ANO6: variants seen among roughly 807,000 people sequenced by gnomAD.
ANO6 encodes the protein anoctamin-6.
A neutral mutation model predicts 117.5 loss-of-function variants in ANO6; 106 were observed. The observed-to-expected ratio is 0.90, with a 90% confidence interval of 0.77 to 1.06. The LOEUF is 1.06. Ranked by LOEUF, ANO6 falls within the 50% of genes least tolerant of loss-of-function variation. The probability of loss-of-function intolerance (pLI) is 0.00; values close to 1 mark genes in which losing one functional copy is unlikely to be tolerated. For synonymous variants in ANO6, 367 were observed against 385.1 expected (o/e 0.95, Z 0.55); for missense variants, 955 against 1,121.1 (o/e 0.85, Z 2.12).
At chr12:45,420,894 A>G (rs112728437) in intron 17 of ANO6, among the ~76,000 whole-genome samples, 177 bp from the exon 18 acceptor site, 2,014 of 152,184 alleles carry the variant, frequency 0.013, 38 homozygotes, top group African/African-American at 0.046. Context: ...GCGTGGTGGC[A>G]CGTGCCTGTA....
rs1482550552 is a variant in ANO6, at chr12:45,350,656, C to T, written c.748-3C>T. 1 of 1,611,728 alleles carries T rather than the reference C, an allele frequency of 6.2e-7. No individual in the cohort carries two copies. The highest frequency in any genetic ancestry group is 1.3e-5 in the African/African-American group (1 of 74,980). ...TGCTTACATGTTCCCTTCTGCGTCA[C>T]AGTGCAAATTCCGCCGTCAGTCAGA... On this transcript the variant is annotated splice_region_variant and splice_polypyrimidine_tract_variant and intron_variant, in intron 6 of 19. Transcript: ENST00000320560.
downstream of ANO6, among the ~76,000 whole-genome samples, chr12:45,436,486 C>T (rs1034252265): frequency 6.6e-6 from 1 of 152,158 alleles, no homozygotes; most frequent in African/African-American, 2.4e-5. Context: ...ATTATGAAGT[C>T]CCTAATGTCT....
At chr12:45,286,790 A>G (rs1171276034) in intron 1 of ANO6, among the ~76,000 whole-genome samples, 1 of 152,134 alleles carries the variant, frequency 6.6e-6, no homozygotes, top group Non-Finnish European at 1.5e-5. Flanking sequence ...ACATGCCACA[A>G]CTCATTTTAT....
chr12:45,372,842 A>G (rs1432543087), intron 9 of ANO6, among the ~76,000 whole-genome samples: 2 of 152,210 alleles, frequency 1.3e-5, no homozygotes, highest in African/African-American at 4.8e-5. Flanking sequence ...TCATGACAGG[A>G]TCAAATTCAC....
intron 2 of ANO6, among the ~76,000 whole-genome samples, chr12:45,318,125 G>T (rs1253522994): frequency 2.6e-5 from 4 of 151,998 alleles, no homozygotes; most frequent in Non-Finnish European, 4.4e-5. Flanking sequence ...CTCTTTAGTT[G>T]AATTAGATCC....
intron 12 of ANO6, among the ~76,000 whole-genome samples, chr12:45,396,686 C>G (rs1942624327): frequency 6.6e-6 from 1 of 152,186 alleles, no homozygotes; most frequent in Admixed American, 6.6e-5. Context: ...CACCACACAT[C>G]TACAACCATT....
intron 1 of ANO6, among the ~76,000 whole-genome samples, chr12:45,253,608 G>A (rs1036295535): frequency 8.5e-5 from 13 of 152,168 alleles, no homozygotes; most frequent in African/African-American, 2.7e-4. Context: ...ATGAAAATGT[G>A]TAATTGAGTT....
At position 45,430,883 on chromosome 12, in the gene ANO6, A is replaced by G. The variant is rs1231989332; in HGVS notation, c.*1572A>G. ...GGTGCACAAGAGGGAGGTGATTTGCATCATGGTCATGCTGCATGGGCTTCA... is the reference window on the plus strand; with the variant it reads ...GGTGCACAAGAGGGAGGTGATTTGCGTCATGGTCATGCTGCATGGGCTTCA... On this transcript the variant is annotated 3_prime_UTR_variant, in exon 20 of 20. Transcript: ENST00000320560. 2.7e-5 allele frequency: 27 copies of G among 985,280 alleles called. No individual in the cohort carries two copies. The highest frequency in any genetic ancestry group is 3.3e-5 in the Non-Finnish European group (27 of 829,942). The allele number at this position is 985,280 out of a possible 1,614,324, so 61.0% of individuals were successfully genotyped here. A position where few individuals can be genotyped will look rare whatever the true frequency, so the allele number is the denominator to read the frequency against.
intron 9 of ANO6, among the ~76,000 whole-genome samples, chr12:45,376,640 GGA>G (rs1349663354): frequency 1.3e-5 from 2 of 149,110 alleles, no homozygotes; most frequent in Non-Finnish European, 3.0e-5. Flanking sequence ...CTCATAGGTA[GGA>G]ATTGAACAAT....
At chr12:45,236,755 G>T (rs1947651721) in intron 1 of ANO6, among the ~76,000 whole-genome samples, 1 of 152,142 alleles carries the variant, frequency 6.6e-6, no homozygotes, top group Non-Finnish European at 1.5e-5. Context: ...GTAATGGGAT[G>T]GCTGGGTCAA....
intron 7 of ANO6, among the ~76,000 whole-genome samples, chr12:45,356,232 G>A (rs1052554391): frequency 2.0e-5 from 3 of 152,086 alleles, no homozygotes; most frequent in Non-Finnish European, 4.4e-5. Context: ...AGGAATACAG[G>A]GTGATGGATT....
downstream of ANO6, among the ~76,000 whole-genome samples, chr12:45,434,382 G>A (rs73283347): frequency 0.013 from 2,004 of 152,264 alleles, 36 homozygotes; most frequent in African/African-American, 0.046. Context: ...GGAAACAAGC[G>A]ACAGCACTGG....
chr12:45,262,224 A>T (rs1009205637), intron 1 of ANO6, among the ~76,000 whole-genome samples: 1 of 152,200 alleles, frequency 6.6e-6, no homozygotes, highest in African/African-American at 2.4e-5. Flanking sequence ...ATGCAAATGT[A>T]GTTTTATATG....
chr12:45,310,360 A>AT (rs1258436559), intron 2 of ANO6, among the ~76,000 whole-genome samples: 1 of 152,024 alleles, frequency 6.6e-6, no homozygotes, highest in East Asian at 1.9e-4. Context: ...CTCTAATCTT[A>AT]TTTTTTCCAT....
At chr12:45,411,913 G>A (rs1165863255) in intron 16 of ANO6, among the ~76,000 whole-genome samples, 16 of 152,114 alleles carry the variant, frequency 1.1e-4, no homozygotes, top group Admixed American at 1.0e-3. Flanking sequence ...CTCTGCTAGA[G>A]CGCCAGTGCC....
In ANO6 at chr12:45,228,291, C is replaced by CTTTTTT. The variant is rs34786875; in HGVS notation, c.70+11921_70+11926dup. ...GACCACAGGTATGCACCAGGCCCTC[C>CTTTTTT]TTTTTTTTTTTTTTTTTTTTTTTTT... On this transcript the variant is annotated intron_variant, in intron 1 of 19. Transcript: ENST00000320560. 200 of 166,956 alleles carry CTTTTTT rather than the reference C, an allele frequency of 1.2e-3. 9 individuals are homozygous for CTTTTTT. Among genetic ancestry groups the CTTTTTT allele is most frequent in the African/African-American group, 7.4e-3 (163 of 22,144 alleles). 10.3% of individuals were successfully genotyped at this position (166,956 alleles called of 1,614,324 possible).
rs1242784926 is a variant in ANO6, at chr12:45,364,558, T to C, written c.999-3130T>C. ...TCCTAGCTTTCAATTTGCTGATTCT[T>C]CTGCTATTTCATATCTGCCGAGGAG... On this transcript the variant is annotated intron_variant, in intron 8 of 19. Coordinates refer to ENST00000320560, the MANE Select transcript of ANO6 (RefSeq NM_001025356.3). Among the ~76,000 whole-genome samples the C allele has an allele frequency of 2.0e-5, 3 of 152,234 alleles. No individual in the cohort carries two copies. The South Asian group carries it at 6.2e-4, about 32-fold the overall frequency.
At chr12:45,308,020 CGT>C (rs1939725296) in intron 2 of ANO6, among the ~76,000 whole-genome samples, 1 of 134,706 alleles carries the variant, frequency 7.4e-6, no homozygotes, top group African/African-American at 2.7e-5. Flanking sequence ...GTAACACTTC[CGT>C]GTGTGTGTCT....
intron 1 of ANO6, among the ~76,000 whole-genome samples, chr12:45,255,401 G>A (rs149409800): frequency 0.011 from 1,663 of 152,244 alleles, 26 homozygotes; most frequent in African/African-American, 0.037. Flanking sequence ...TACTCGGGAG[G>A]CTGAGGCAGG....
Sources: gnomAD v4.1 joint callset for allele counts (sites outside exome capture counted in the v4.1 genomes callset) on GRCh38, gnomAD v4.1.1 for gene constraint, MANE v1.5 for transcripts, NCBI Gene and HGNC (gene_info 2026-07-23, HGNC 2026-07-21) for gene names.